Variants in GALNT2 observed in about 807,000 individuals in gnomAD.
The protein encoded by GALNT2 is UDP-GalNAc:polypeptide N-acetylgalactosaminyltransferase 2.
GALNT2 carries 31 observed loss-of-function variants against 81.4 expected under a neutral mutation model. The observed-to-expected ratio is 0.38, with a 90% CI of 0.29 to 0.51. The LOEUF (loss-of-function observed/expected upper bound fraction) is 0.51, where lower values mean the gene tolerates loss of function less well. Among genes scored for constraint, GALNT2 ranks in the 20% least tolerant of loss-of-function variants. GALNT2 has a pLI of 0.87. For synonymous variants in GALNT2, 303 were observed against 287.4 expected, an observed-to-expected ratio of 1.05 and a Z score of -0.55; for missense variants, 629 against 765.7, an observed-to-expected ratio of 0.82 and a Z score of 2.11.
chr1:230,079,989 TAGAA>T (rs1237353610), intron 1 of GALNT2, among the ~76,000 whole-genome samples: 1 of 152,208 alleles, frequency 6.6e-6, no homozygotes, highest in Non-Finnish European at 1.5e-5. Flanking sequence ...TCCTTTGTTT[TAGAA>T]AGAAAAGGGA....
At position 230,279,688 on chromosome 1, in the gene GALNT2, T is replaced by G. The variant is rs1666384205; in HGVS notation, c.*230T>G. On this transcript the variant is annotated 3_prime_UTR_variant, in exon 16 of 16. Transcript: ENST00000366672. The surrounding 1 kb of genome is among the most constrained non-coding windows in gnomAD (Gnocchi z 4.6). Reference sequence around the variant, plus strand: ...CTCGGTGCAGCCCAGCCGGGCCCCCTTCCCCAGGCCGGAGCGCCCCTCTTC... The same window carrying G: ...CTCGGTGCAGCCCAGCCGGGCCCCCGTCCCCAGGCCGGAGCGCCCCTCTTC... 1.7e-6 allele frequency: 1 copy of G among 583,754 alleles called. No individual in the cohort carries two copies. The highest frequency in any genetic ancestry group is 3.2e-5 in the East Asian group (1 of 31,312). 36.2% of individuals were successfully genotyped at this position (583,754 alleles called of 1,614,324 possible). A position where few individuals can be genotyped will look rare whatever the true frequency, so the allele number is the denominator to read the frequency against.
intron 10 of GALNT2, among the ~76,000 whole-genome samples, chr1:230,255,004 A>G (rs989739879): frequency 1.3e-5 from 2 of 152,252 alleles, no homozygotes; most frequent in Admixed American, 6.5e-5. Context: ...ATTGTGGTCC[A>G]GAGATCCAAG....
intron 8 of GALNT2, among the ~76,000 whole-genome samples, chr1:230,248,430 G>A (rs531396890): frequency 6.6e-6 from 1 of 152,244 alleles, no homozygotes; most frequent in East Asian, 1.9e-4. Context: ...GACAGCTTCC[G>A]CAGGTGGAGC....
chr1:230,242,716 T>C (rs926245463), intron 6 of GALNT2, among the ~76,000 whole-genome samples: 1 of 152,120 alleles, frequency 6.6e-6, no homozygotes, highest in Non-Finnish European at 1.5e-5. Context: ...ACACTATTTG[T>C]ATTTTGTGTC....
intron 1 of GALNT2, among the ~76,000 whole-genome samples, chr1:230,068,583 A>G (rs1659278876): frequency 6.6e-6 from 1 of 152,214 alleles, no homozygotes; most frequent in South Asian, 2.1e-4. Context: ...GGAACTAACT[A>G]GATGAACAGA....
At chr1:230,178,419 G>C in intron 2 of GALNT2, 108 bp downstream of exon 2, 1 of 748,400 alleles carries the variant, frequency 1.3e-6, no homozygotes, top group Non-Finnish European at 2.2e-6. Context: ...GATTCCATAG[G>C]TCAGCAGGAG....
At chr1:230,192,613 G>A (rs1017576392) in intron 2 of GALNT2, among the ~76,000 whole-genome samples, 1 of 152,198 alleles carries the variant, frequency 6.6e-6, no homozygotes, top group African/African-American at 2.4e-5. Flanking sequence ...AAGAGATATA[G>A]GATGATTCAT....
intron 14 of GALNT2, among the ~76,000 whole-genome samples, chr1:230,273,106 C>T (rs76000797): frequency 0.11 from 16,169 of 152,166 alleles, 1,086 homozygotes; most frequent in Non-Finnish European, 0.15. Flanking sequence ...TTTCTAATGA[C>T]GGACTATTTG....
intron 3 of GALNT2, among the ~76,000 whole-genome samples, chr1:230,208,070 A>T (rs1337968191): frequency 6.6e-6 from 1 of 152,236 alleles, no homozygotes; most frequent in Non-Finnish European, 1.5e-5. Flanking sequence ...ATTTAAAAAA[A>T]TAATCTTCTT....
At position 230,250,925 on chromosome 1, in the gene GALNT2, G is replaced by A. The variant is rs146246267; in HGVS notation, c.1009+365G>A. On this transcript the variant is annotated intron_variant, in intron 10 of 15. Coordinates refer to ENST00000366672, the MANE Select transcript of GALNT2 (RefSeq NM_004481.5). ...TGGTGGAGAGTGGAAAATGAACCCC[G>A]GCGAGGCTGGTGGGATTGATTGAAT... Among the ~76,000 whole-genome samples the A allele has an allele frequency of 5.3e-5, 8 of 152,300 alleles. No homozygotes were observed. In the East Asian group the frequency reaches 5.8e-4, roughly 11 times the overall value.
At chr1:230,136,381 G>A (rs1661541788) in intron 1 of GALNT2, among the ~76,000 whole-genome samples, 1 of 152,128 alleles carries the variant, frequency 6.6e-6, no homozygotes, top group Non-Finnish European at 1.5e-5. Context: ...GGAGAGAGTG[G>A]GGCCTGTTCC....
At chr1:230,075,324 C>G (rs999768203) in intron 1 of GALNT2, among the ~76,000 whole-genome samples, 1 of 151,944 alleles carries the variant, frequency 6.6e-6, no homozygotes. Flanking sequence ...CAGGGTTTCA[C>G]CACCCAGGCT....
At chr1:230,178,890 C>A (rs1302900792) in intron 2 of GALNT2, among the ~76,000 whole-genome samples, 2 of 150,988 alleles carry the variant, frequency 1.3e-5, no homozygotes, top group African/African-American at 4.9e-5. Context: ...AGAGTCGTTT[C>A]ACTGCCTTAA....
intron 1 of GALNT2, among the ~76,000 whole-genome samples, chr1:230,100,175 C>G (rs950573296): frequency 4.6e-5 from 7 of 152,124 alleles, no homozygotes; most frequent in African/African-American, 1.4e-4. Context: ...CTTAAACACT[C>G]TATGTTTTCT....
intron 3 of GALNT2, among the ~76,000 whole-genome samples, chr1:230,208,940 C>T (rs1213183178): frequency 1.3e-5 from 2 of 151,934 alleles, no homozygotes; most frequent in Non-Finnish European, 1.5e-5. Flanking sequence ...CCACATATTT[C>T]GTATAGCCCA....
intron 2 of GALNT2, among the ~76,000 whole-genome samples, chr1:230,194,702 A>G (rs1663633491): frequency 6.6e-6 from 1 of 152,240 alleles, no homozygotes; most frequent in Admixed American, 6.5e-5. Context: ...CTCTCCCCAC[A>G]GTGCCACAGG....
In GALNT2 at chr1:230,246,080, G is replaced by A. The variant is rs2102744376; in HGVS notation, c.747G>A (p.Val249=). Residue 249 remains valine, a synonymous_variant, in exon 8 of 16, where the codon GTG becomes GTA. Coordinates refer to ENST00000366672, the MANE Select transcript of GALNT2 (RefSeq NM_004481.5). The part of the protein sequence containing the change: ...ERVAEDRTRV[V]SPIIDVINMD... ...TATTTTAGGACAGGACTCGGGTTGTGTCACCCATCATCGATGTCATTAATA... is the reference window on the plus strand; with the variant it reads ...TATTTTAGGACAGGACTCGGGTTGTATCACCCATCATCGATGTCATTAATA... 6.2e-7 allele frequency: 1 copy of A among 1,613,920 alleles called. No individual in the cohort carries two copies. The highest frequency in any genetic ancestry group is 1.1e-5 in the South Asian group (1 of 91,058).
chr1:230,257,591 G>A lies in GALNT2; in HGVS notation c.1136+2247G>A, dbSNP rs1479798799. 1.3e-5 allele frequency among the ~76,000 whole-genome samples: 2 copies of A among 152,142 alleles called. No individual in the cohort carries two copies. Among genetic ancestry groups the A allele is most frequent in the African/African-American group, 2.4e-5 (1 of 41,414 alleles). Reference sequence around the variant, plus strand: ...GTGTATATTAAGGATACACCATCTAGGTTTGTGTAAATATACTCTATGATG... The same window carrying A: ...GTGTATATTAAGGATACACCATCTAAGTTTGTGTAAATATACTCTATGATG... On this transcript the variant is annotated intron_variant, in intron 11 of 15. Coordinates refer to ENST00000366672, the MANE Select transcript of GALNT2 (RefSeq NM_004481.5). This position sits in a 1 kb window ranked among gnomAD's most constrained non-coding sequence, Gnocchi z 4.6.
chr1:230,236,605 C>A lies in GALNT2; in HGVS notation c.542-55C>A, dbSNP rs945434060. ...TGATTGAGAATACTATGGTTGAATG[C>A]AAAGCCCTTTATGAACTCCAGGTTC... On this transcript the variant is annotated intron_variant, in intron 5 of 15. Transcript: ENST00000366672. 3.2e-6 allele frequency: 5 copies of A among 1,557,120 alleles called. No individual in the cohort carries two copies. The African/African-American group carries it at 6.9e-5, about 21-fold the overall frequency.
Sources: gnomAD v4.1 joint callset for allele counts (sites outside exome capture counted in the v4.1 genomes callset) on GRCh38, gnomAD v4.1.1 for gene constraint, Gnocchi (gnomAD v3.1) non-coding constraint, MANE v1.5 for transcripts, NCBI Gene and HGNC (gene_info 2026-07-23, HGNC 2026-07-21) for gene names.